The following MMP16 variants were observed in gnomAD, a reference collection of about 807,000 sequenced individuals.
MMP16 encodes the protein matrix metalloproteinase-16.
In MMP16, 12 loss-of-function variants were observed where a neutral mutation model predicts 67.8. The ratio of observed to expected loss-of-function variants is 0.18; its 90% CI spans 0.11 to 0.29. The LOEUF is 0.29. Ranked by LOEUF, MMP16 falls within the 10% of genes least tolerant of loss-of-function variation. MMP16 has a pLI of 1.00. For missense variants in MMP16, 475 were observed against 765.7 expected, an observed-to-expected ratio of 0.62 and a Z score of 4.48; for synonymous variants, 249 against 255.9, an observed-to-expected ratio of 0.97 and a Z score of 0.26.
At chr8:88,290,189 G>T (rs1348179577) in intron 1 of MMP16, among the ~76,000 whole-genome samples, 1 of 152,090 alleles carries the variant, frequency 6.6e-6, no homozygotes, top group Non-Finnish European at 1.5e-5. Context: ...CCATATTATG[G>T]ATAAGTTCAT....
chr8:88,251,394 AGG>A (rs1810218518), intron 1 of MMP16, among the ~76,000 whole-genome samples: 1 of 149,996 alleles, frequency 6.7e-6, no homozygotes, highest in Admixed American at 6.6e-5. Flanking sequence ...CAATGGGGAA[AGG>A]ATTCCCTATT....
intron 1 of MMP16, among the ~76,000 whole-genome samples, chr8:88,287,462 C>A (rs1040686404): frequency 6.6e-6 from 1 of 152,198 alleles, no homozygotes; most frequent in Non-Finnish European, 1.5e-5. Context: ...GCATCTTCTT[C>A]ATAGCAGCTA....
chr8:88,151,557 T>A (rs1159822765), intron 4 of MMP16, among the ~76,000 whole-genome samples: 1 of 141,648 alleles, frequency 7.1e-6, no homozygotes, highest in East Asian at 2.2e-4. Context: ...GGATTAAGAA[T>A]CTCACTCAAA....
chr8:88,210,770 C>A (rs1563563326), intron 1 of MMP16, among the ~76,000 whole-genome samples: 1 of 152,098 alleles, frequency 6.6e-6, no homozygotes, highest in Non-Finnish European at 1.5e-5. Context: ...TTCTACCTTC[C>A]ATCCCCATAC....
chr8:88,148,302 T>C (rs778827575), intron 4 of MMP16, among the ~76,000 whole-genome samples: 2 of 152,256 alleles, frequency 1.3e-5, no homozygotes, highest in African/African-American at 2.4e-5. Context: ...ATTTCATAAA[T>C]TCAGTATCTG....
intron 3 of MMP16, among the ~76,000 whole-genome samples, chr8:88,177,635 T>C (rs1808913978): frequency 6.6e-6 from 1 of 152,200 alleles, no homozygotes; most frequent in South Asian, 2.1e-4. Context: ...ATGCCATGAG[T>C]ATTCTATTCT....
chr8:88,214,056 T>C (rs1183402064), intron 1 of MMP16, among the ~76,000 whole-genome samples: 4 of 152,108 alleles, frequency 2.6e-5, no homozygotes, highest in Admixed American at 6.5e-5. Flanking sequence ...ATAACAACAA[T>C]GGCAATAACA....
chr8:88,308,799 C>T (rs1811250400), intron 1 of MMP16, among the ~76,000 whole-genome samples: 3 of 151,842 alleles, frequency 2.0e-5, no homozygotes, highest in African/African-American at 7.2e-5. Flanking sequence ...AAAATCAAAA[C>T]ATCAACAAAT....
At chr8:88,265,455 G>C (rs1810461224) in intron 1 of MMP16, among the ~76,000 whole-genome samples, 1 of 152,064 alleles carries the variant, frequency 6.6e-6, no homozygotes, top group Admixed American at 6.6e-5. Context: ...GGAGTTCATA[G>C]TTTAATGGGA....
rs187084767 is a variant in MMP16 at position 88,262,788 on chromosome 8, G to C, written c.132+64287C>G. The stretch of plus-strand genomic sequence containing the variant: ...GAGGCCGAGGCGGGTGAATCACAAG[G>C]TCAGGAGATCGTAGCCATCCTGGCT... On this transcript the variant is annotated intron_variant, in intron 1 of 9. Transcript: ENST00000286614. 4.6e-3 allele frequency among the ~76,000 whole-genome samples: 639 copies of C among 139,140 alleles called. 7 individuals carry two copies. Among genetic ancestry groups the C allele is most frequent in the African/African-American group, 0.016 (611 of 37,976 alleles). 91.3% of individuals were successfully genotyped at this position (139,140 alleles called of 152,430 possible).
intron 3 of MMP16, among the ~76,000 whole-genome samples, chr8:88,169,826 G>A (rs1000405886): frequency 6.6e-6 from 1 of 152,136 alleles, no homozygotes; most frequent in Non-Finnish European, 1.5e-5. Context: ...ACCAAATAAG[G>A]TAGGTCCCCG....
chr8:88,110,734 C>A (rs145260681), intron 6 of MMP16, among the ~76,000 whole-genome samples: 1 of 151,756 alleles, frequency 6.6e-6, no homozygotes, highest in East Asian at 1.9e-4. Context: ...CAAACTGTTT[C>A]ACTCACCTCC....
At chr8:88,140,223 G>A (rs547832742) in intron 4 of MMP16, among the ~76,000 whole-genome samples, 92 of 152,158 alleles carry the variant, frequency 6.0e-4, no homozygotes, top group African/African-American at 2.1e-3. Flanking sequence ...TTGGGTCTCG[G>A]GTCTCATATG....
intron 2 of MMP16, among the ~76,000 whole-genome samples, chr8:88,187,814 TGTAGACCATGCA>T (rs1473681958): frequency 6.6e-6 from 1 of 152,240 alleles, no homozygotes; most frequent in Non-Finnish European, 1.5e-5. Context: ...ACCCCAGTAA[TGTAGACCATGCA>T]GTTACCAGAT....
Position 88,052,984 on chromosome 8 carries a change from A to G in MMP16, c.1373+3144T>C, listed in dbSNP as rs772567401. Reference sequence around the variant, plus strand: ...TATTTGTCTCCCCCAACACAGTCTAAGTGCCATGAAACTAGGAGCTCTGTG... The same window carrying G: ...TATTTGTCTCCCCCAACACAGTCTAGGTGCCATGAAACTAGGAGCTCTGTG... On this transcript the variant is annotated intron_variant, in intron 8 of 9. Transcript: ENST00000286614. 8.9e-4 allele frequency among the ~76,000 whole-genome samples: 136 copies of G among 152,190 alleles called. 1 individual carries two copies. The highest frequency in any genetic ancestry group is 2.4e-4 in the Non-Finnish European group (16 of 68,028).
chr8:88,117,717 G>A (rs1019353049), intron 5 of MMP16, among the ~76,000 whole-genome samples: 2 of 151,806 alleles, frequency 1.3e-5, no homozygotes, highest in African/African-American at 4.8e-5. Context: ...TTTTACCCCT[G>A]AGAGAATACT....
chr8:88,082,346 G>A (rs1309792296), intron 6 of MMP16, among the ~76,000 whole-genome samples: 3 of 151,988 alleles, frequency 2.0e-5, no homozygotes, highest in African/African-American at 7.3e-5. Context: ...TGATGCCTGT[G>A]GAAATCAATA....
chr8:88,314,082 T>C (rs1451324337), intron 1 of MMP16, among the ~76,000 whole-genome samples: 3 of 152,348 alleles, frequency 2.0e-5, no homozygotes, highest in Middle Eastern at 3.4e-3. Context: ...ATCTCACTGA[T>C]ATTCTGTTCA....
intron 2 of MMP16, among the ~76,000 whole-genome samples, chr8:88,196,903 A>T (rs937058567): frequency 2.3e-5 from 3 of 130,882 alleles, no homozygotes; most frequent in Admixed American, 1.5e-4. Context: ...CTGTACACCT[A>T]CCTCAACATT....
Sources: allele counts gnomAD v4.1 joint callset (sites outside exome capture counted in the v4.1 genomes callset), GRCh38; gene constraint gnomAD v4.1.1; transcripts MANE v1.5; gene names NCBI Gene and HGNC (gene_info 2026-07-23, HGNC 2026-07-21).